PTPN9: variants seen among roughly 807,000 people sequenced by gnomAD.
The protein encoded by PTPN9 is protein tyrosine phosphatase non-receptor type 9.
A neutral mutation model predicts 69.8 loss-of-function variants in PTPN9; 26 were observed. That is an observed-to-expected ratio of 0.37 (90% CI 0.27 to 0.52). PTPN9 has a LOEUF of 0.52. Ranked by LOEUF, PTPN9 falls within the 20% of genes least tolerant of loss-of-function variation. PTPN9 has a pLI of 0.91. For missense variants in PTPN9, 549 were observed against 740.3 expected (o/e 0.74, Z 3.00); for synonymous variants, 274 against 272.5 (o/e 1.01, Z -0.05).
At chr15:75,487,893 G>A (rs993398362) in intron 8 of PTPN9, 1 of 152,196 alleles carries the variant, frequency 6.6e-6, no homozygotes, top group African/African-American at 2.4e-5. Context: ...CCCAGAAAGA[G>A]AAGGGATATA....
chr15:75,500,736 A>C (rs1302396119), intron 7 of PTPN9, among the ~76,000 whole-genome samples: 1 of 151,476 alleles, frequency 6.6e-6, no homozygotes, highest in Admixed American at 6.6e-5. Flanking sequence ...AATTTAAAAA[A>C]TTAGCCAGGC....
intron 4 of PTPN9, among the ~76,000 whole-genome samples, chr15:75,518,304 AG>A (rs1308054667): frequency 1.3e-5 from 2 of 151,956 alleles, no homozygotes; most frequent in Non-Finnish European, 2.9e-5. Flanking sequence ...ACTGCACTCC[AG>A]CCTGGGAGAC....
chr15:75,530,855 G>GATATATTATATATTATA (rs1343524387), intron 1 of PTPN9, among the ~76,000 whole-genome samples: 6 of 87,498 alleles, frequency 6.9e-5, no homozygotes, highest in Non-Finnish European at 1.0e-4. Flanking sequence ...TATATATTAT[G>GATATATTATATATTATA]ATATATTATA....
chr15:75,563,430 C>T (rs2075113218), intron 1 of PTPN9, among the ~76,000 whole-genome samples: 1 of 152,210 alleles, frequency 6.6e-6, no homozygotes, highest in South Asian at 2.1e-4. Context: ...TCAAGGGATC[C>T]ATCTGCCTCA....
rs1555457692 is a variant in PTPN9 at position 75,568,520 on chromosome 15, A to AC, written c.63+10193_63+10194insG. Among the ~76,000 whole-genome samples, 407 of 147,350 alleles carry AC rather than the reference A, an allele frequency of 2.8e-3. 2 individuals are homozygous for AC. Among genetic ancestry groups the AC allele is most frequent in the African/African-American group, 8.8e-3 (347 of 39,530 alleles). On this transcript the variant is annotated intron_variant, in intron 1 of 12. Transcript: ENST00000618819. ...GAGACCTTGTCTCAAAAAAAAAAAA[A>AC]AAAACAAAACAAAAAAAAAACAACC...
At chr15:75,559,783 A>AAAAAAAAAAAAG (rs925206692) in intron 1 of PTPN9, among the ~76,000 whole-genome samples, 18 of 142,528 alleles carry the variant, frequency 1.3e-4, no homozygotes, top group Non-Finnish European at 2.3e-4. Flanking sequence ...AAAAAAAAAA[A>AAAAAAAAAAAAG]AAGAAGAAAG....
chr15:75,502,462 AAGAG>A (rs769256617), intron 7 of PTPN9, among the ~76,000 whole-genome samples: 10 of 152,122 alleles, frequency 6.6e-5, no homozygotes, highest in Non-Finnish European at 1.2e-4. Context: ...AGAAAAAAAA[AAGAG>A]AGGGAGGGAG....
chr15:75,500,021 T>C (rs986128080), intron 7 of PTPN9, among the ~76,000 whole-genome samples: 2 of 151,866 alleles, frequency 1.3e-5, no homozygotes, highest in Non-Finnish European at 2.9e-5. Context: ...CTACTAAAAA[T>C]ACACAAATTA....
At position 75,520,119 on chromosome 15, in the gene PTPN9, C is replaced by T. The variant is rs11856221; in HGVS notation, c.423-2755G>A. Among the ~76,000 whole-genome samples, 616 of 151,928 alleles carry T rather than the reference C, an allele frequency of 4.1e-3. 11 individuals carry two copies. The highest frequency in any genetic ancestry group is 0.014 in the African/African-American group (571 of 41,428). On this transcript the variant is annotated intron_variant, in intron 4 of 12. Coordinates refer to ENST00000618819, the MANE Select transcript of PTPN9 (RefSeq NM_002833.4). ...ACTTCAGCCCGAGCAAAAGTGAGAC[C>T]CTGTCTCTTAAATAAAAAGAAACAA...
chr15:75,530,030 C>T (rs1156836952), intron 1 of PTPN9, among the ~76,000 whole-genome samples: 3 of 151,038 alleles, frequency 2.0e-5, no homozygotes, highest in Admixed American at 6.6e-5. Flanking sequence ...GGTGAAACCC[C>T]GTCTCTACTA....
chr15:75,517,369 A>G lies in PTPN9; in HGVS notation c.423-5T>C. ...CCATTCCTCTGAGTTTCAAAGCTGTAAATCAACCATTGAACAAAAACATTT... is the reference window on the plus strand; with the variant it reads ...CCATTCCTCTGAGTTTCAAAGCTGTGAATCAACCATTGAACAAAAACATTT... On this transcript the variant is annotated splice_polypyrimidine_tract_variant and splice_region_variant and intron_variant, in intron 4 of 12. Coordinates refer to ENST00000618819, the MANE Select transcript of PTPN9 (RefSeq NM_002833.4). 1 of 1,607,766 alleles carries G rather than the reference A, an allele frequency of 6.2e-7. No homozygotes were observed. The highest frequency in any genetic ancestry group is 8.5e-7 in the Non-Finnish European group (1 of 1,175,492).
At chr15:75,503,618 C>T (rs1214630591) in intron 7 of PTPN9, among the ~76,000 whole-genome samples, 6 of 139,470 alleles carry the variant, frequency 4.3e-5, no homozygotes, top group Non-Finnish European at 4.7e-5. Context: ...CCCGCCCGGC[C>T]AGCCGCCCCG....
chr15:75,480,633 C>G (rs1055105032), intron 8 of PTPN9: 71 of 1,199,396 alleles, frequency 5.9e-5, no homozygotes, highest in Non-Finnish European at 7.2e-5. Context: ...AGTCGCGGCG[C>G]TGACGCCCGC....
chr15:75,564,533 T>C (rs1567527131), intron 1 of PTPN9, among the ~76,000 whole-genome samples: 1 of 151,658 alleles, frequency 6.6e-6, no homozygotes, highest in Non-Finnish European at 1.5e-5. Context: ...GAGGCGGAGC[T>C]TGCAGTGAGC....
At chr15:75,513,238 C>T in intron 5 of PTPN9, 1 of 455,140 alleles carries the variant, frequency 2.2e-6, no homozygotes, top group South Asian at 1.6e-5. Context: ...CAGGTGTTTT[C>T]CTAGAATGGT....
chr15:75,525,427 G>A (rs1295087177), intron 2 of PTPN9, among the ~76,000 whole-genome samples: 1 of 150,794 alleles, frequency 6.6e-6, no homozygotes, highest in Non-Finnish European at 1.5e-5. Context: ...CTCCTGGGCT[G>A]AAGCGATCCA....
intron 6 of PTPN9, among the ~76,000 whole-genome samples, chr15:75,508,613 G>T (rs2074831676): frequency 6.6e-6 from 1 of 152,182 alleles, no homozygotes; most frequent in Admixed American, 6.5e-5. Flanking sequence ...GGAAGTAGCA[G>T]CTATCCCTAA....
intron 7 of PTPN9, among the ~76,000 whole-genome samples, chr15:75,504,397 C>T (rs2074801441): frequency 7.6e-6 from 1 of 130,994 alleles, no homozygotes; most frequent in East Asian, 2.5e-4. Flanking sequence ...GCTCAGCCCC[C>T]CGCCCGGCCA....
At chr15:75,469,102 G>T in intron 12 of PTPN9, 119 bp from the exon 13 acceptor site, 1 of 949,656 alleles carries the variant, frequency 1.1e-6, no homozygotes, top group African/African-American at 1.6e-5. Context: ...ATGGCAGAAG[G>T]CCAGGTGGCC....
Sources: gnomAD v4.1 joint callset for allele counts (sites outside exome capture counted in the v4.1 genomes callset) on GRCh38, gnomAD v4.1.1 for gene constraint, MANE v1.5 for transcripts, NCBI Gene and HGNC (gene_info 2026-07-23, HGNC 2026-07-21) for gene names.